CPXM2: variants seen among roughly 807,000 people sequenced by gnomAD.
CPXM2 encodes inactive carboxypeptidase-like protein X2.
A neutral mutation model predicts 86.1 loss-of-function variants in CPXM2; 66 were observed. The observed-to-expected ratio is 0.77, with a 90% confidence interval of 0.63 to 0.94. CPXM2 has a LOEUF of 0.94. Ranked by LOEUF, CPXM2 falls within the 40% of genes least tolerant of loss-of-function variation. The pLI is 0.00. For missense variants in CPXM2, 948 were observed against 1,026.3 expected (o/e 0.92, Z 1.04); for synonymous variants, 388 against 400.2 (o/e 0.97, Z 0.36).
At chr10:123,863,162 T>C (rs989756236) in intron 2 of CPXM2, among the ~76,000 whole-genome samples, 4 of 152,210 alleles carry the variant, frequency 2.6e-5, no homozygotes, top group Non-Finnish European at 4.4e-5. Context: ...ATGGATAACA[T>C]GGAGCACAGC....
At chr10:123,923,434 A>T (rs2134280505) in intron 2 of CPXM2, among the ~76,000 whole-genome samples, 1 of 144,606 alleles carries the variant, frequency 6.9e-6, no homozygotes, top group Admixed American at 6.8e-5. Flanking sequence ...CAAAAAAATT[A>T]GCCGGGCGTG....
At chr10:123,797,155 TG>T (rs1847351245) in intron 6 of CPXM2, among the ~76,000 whole-genome samples, 1 of 152,222 alleles carries the variant, frequency 6.6e-6, no homozygotes, top group Admixed American at 6.5e-5. Flanking sequence ...ATATCTCATG[TG>T]AAAATAAGGC....
intron 2 of CPXM2, among the ~76,000 whole-genome samples, chr10:123,869,460 T>C (rs1175863041): frequency 6.6e-6 from 1 of 152,210 alleles, no homozygotes; most frequent in South Asian, 2.1e-4. Flanking sequence ...CAGAAAAAAG[T>C]GTGAAAACAC....
chr10:123,943,328 C>A (rs1160350218), upstream of CPXM2, among the ~76,000 whole-genome samples: 1 of 152,166 alleles, frequency 6.6e-6, no homozygotes, highest in Non-Finnish European at 1.5e-5. Flanking sequence ...ACAAGGACAA[C>A]AGGGCAAAGC....
chr10:123,869,527 G>A (rs1434484273), intron 2 of CPXM2, among the ~76,000 whole-genome samples: 4 of 152,196 alleles, frequency 2.6e-5, no homozygotes, highest in African/African-American at 7.2e-5. Context: ...GGAAAGGAGA[G>A]TGACAATCAT....
Position 123,833,036 on chromosome 10 carries a change from G to A in CPXM2, c.653+9313C>T, listed in dbSNP as rs569203714. Among the ~76,000 whole-genome samples, 8 of 152,282 alleles carry A rather than the reference G, an allele frequency of 5.3e-5. No homozygotes were observed. The South Asian group carries it at 1.7e-3, about 32-fold the overall frequency. On this transcript the variant is annotated intron_variant, in intron 4 of 13. Coordinates refer to ENST00000241305, the MANE Select transcript of CPXM2 (RefSeq NM_198148.3). ...CAAAGAGGAGCCCTCAAAAGACATG[G>A]AACCTGCCAGCACTTCGATCTTGGA...
intron 2 of CPXM2, among the ~76,000 whole-genome samples, chr10:123,935,029 C>A (rs1267314720): frequency 1.3e-5 from 2 of 152,174 alleles, no homozygotes; most frequent in East Asian, 3.9e-4. Context: ...CATTCTTCTG[C>A]CTCCTCCCAG....
chr10:123,922,471 G>A (rs1157775249), intron 2 of CPXM2, among the ~76,000 whole-genome samples: 1 of 152,184 alleles, frequency 6.6e-6, no homozygotes, highest in South Asian at 2.1e-4. Flanking sequence ...GGATATCTGT[G>A]CTTTAGGTAT....
At chr10:123,774,725 G>A (rs1378193256) in intron 7 of CPXM2, among the ~76,000 whole-genome samples, 2 of 152,154 alleles carry the variant, frequency 1.3e-5, no homozygotes, top group Admixed American at 6.5e-5. Context: ...CAATATTTAG[G>A]TGAGAGAAAG....
intron 4 of CPXM2, among the ~76,000 whole-genome samples, chr10:123,818,980 C>T (rs745432470): frequency 2.0e-5 from 3 of 152,196 alleles, no homozygotes; most frequent in Non-Finnish European, 2.9e-5. Context: ...CACGACATTA[C>T]GTTCTGCTGG....
chr10:123,854,414 A>ATT (rs1268998439), intron 3 of CPXM2, among the ~76,000 whole-genome samples: 5 of 122,206 alleles, frequency 4.1e-5, no homozygotes, highest in South Asian at 2.3e-4. Flanking sequence ...TATTATATAT[A>ATT]AAATATATAA....
rs1013996602 is a variant in CPXM2 at position 123,785,740 on chromosome 10, C to G, written c.890-5485G>C. ...CTCCGCCTCCCGGGTTCACGCCATTCTCCTGTCTCAGCCTCCCGAGTAGCT... is the reference window on the plus strand; with the variant it reads ...CTCCGCCTCCCGGGTTCACGCCATTGTCCTGTCTCAGCCTCCCGAGTAGCT... On this transcript the variant is annotated intron_variant, in intron 6 of 13. Coordinates refer to ENST00000241305, the MANE Select transcript of CPXM2 (RefSeq NM_198148.3). 2.0e-5 allele frequency among the ~76,000 whole-genome samples: 3 copies of G among 151,522 alleles called. No individual in the cohort carries two copies. In the South Asian group the frequency reaches 6.3e-4, roughly 32 times the overall value.
At chr10:123,943,061 C>A (rs539891095), upstream of CPXM2, among the ~76,000 whole-genome samples, 1 of 152,272 alleles carries the variant, frequency 6.6e-6, no homozygotes, top group South Asian at 2.1e-4. Context: ...TAGACTATAC[C>A]ATCCAGGTTT....
rs1294878993 is a variant in CPXM2, at chr10:123,885,584, A to G, written c.305-5275T>C. On this transcript the variant is annotated intron_variant, in intron 1 of 13. Coordinates refer to ENST00000241305, the MANE Select transcript of CPXM2 (RefSeq NM_198148.3). This position sits in a 1 kb window ranked among gnomAD's most constrained non-coding sequence, Gnocchi z 4.0. ...GCTAACCATCCTATGATGCCCAACG[A>G]GTAGCCAGCTGGCTGCCAGCCAGAT... Among the ~76,000 whole-genome samples, 1 of 152,222 alleles carries G rather than the reference A, an allele frequency of 6.6e-6. No individual in the cohort carries two copies. The highest frequency in any genetic ancestry group is 1.5e-5 in the Non-Finnish European group (1 of 68,032).
chr10:123,760,547 T>C (rs1007076156), intron 11 of CPXM2, among the ~76,000 whole-genome samples: 10 of 152,174 alleles, frequency 6.6e-5, no homozygotes, highest in African/African-American at 2.4e-4. Flanking sequence ...ACTTCAAAAG[T>C]ATGTGAAGGC....
At chr10:123,903,584 C>T (rs1480760156) in intron 2 of CPXM2, among the ~76,000 whole-genome samples, 1 of 152,208 alleles carries the variant, frequency 6.6e-6, no homozygotes, top group Admixed American at 6.5e-5. Flanking sequence ...CCTTAGGTCC[C>T]TGCCTTAATA....
intron 4 of CPXM2, among the ~76,000 whole-genome samples, chr10:123,818,254 C>T (rs113461961): frequency 0.031 from 4,781 of 152,178 alleles, 250 homozygotes; most frequent in African/African-American, 0.1. Context: ...CCAATGGGCC[C>T]GTGAACAAAG....
intron 4 of CPXM2, among the ~76,000 whole-genome samples, chr10:123,804,195 C>T (rs1035343318): frequency 1.2e-4 from 18 of 152,310 alleles, no homozygotes; most frequent in African/African-American, 4.1e-4. Flanking sequence ...TGTTTTCTCA[C>T]TTTGTTTTTG....
intron 3 of CPXM2, among the ~76,000 whole-genome samples, chr10:123,845,683 C>G (rs1397662169): frequency 6.6e-6 from 1 of 152,208 alleles, no homozygotes; most frequent in African/African-American, 2.4e-5. Flanking sequence ...CAAATAAAAA[C>G]TGTACTTTCC....
Sources: allele counts gnomAD v4.1 joint callset (sites outside exome capture counted in the v4.1 genomes callset), GRCh38; gene constraint gnomAD v4.1.1; non-coding constraint Gnocchi (gnomAD v3.1); transcripts MANE v1.5; gene names NCBI Gene and HGNC (gene_info 2026-07-23, HGNC 2026-07-21).